Variants in FGF14 observed in about 807,000 individuals in gnomAD.
FGF14 encodes fibroblast growth factor homologous factor 4.
In FGF14, 5 loss-of-function variants were observed where a neutral mutation model predicts 25.5. The ratio of observed to expected loss-of-function variants is 0.20; its 90% CI spans 0.10 to 0.41. The LOEUF is 0.41. Ranked by LOEUF, FGF14 falls within the 10% of genes least tolerant of loss-of-function variation. FGF14 has a pLI of 1.00. For synonymous variants in FGF14, 138 were observed against 118.3 expected, an observed-to-expected ratio of 1.17 and a Z score of -1.08; for missense variants, 222 against 320.1, an observed-to-expected ratio of 0.69 and a Z score of 2.34.
intron 1 of FGF14, among the ~76,000 whole-genome samples, chr13:101,945,224 A>G (rs1393881536): frequency 6.6e-6 from 1 of 152,156 alleles, no homozygotes; most frequent in African/African-American, 2.4e-5. Context: ...AGGCTGAGGC[A>G]GGAGAATCAC....
chr13:102,155,694 A>T (rs2047300076), intron 1 of FGF14, among the ~76,000 whole-genome samples: 1 of 151,626 alleles, frequency 6.6e-6, no homozygotes, highest in South Asian at 2.1e-4. Flanking sequence ...GAGACAGAAA[A>T]ACCCTTCAAA....
intron 1 of FGF14, among the ~76,000 whole-genome samples, chr13:101,955,414 C>G (rs2036454585): frequency 6.6e-6 from 1 of 152,222 alleles, no homozygotes; most frequent in South Asian, 2.1e-4. Context: ...AAGCTGGTTT[C>G]TTGTGAAAGT....
At position 101,824,054 on chromosome 13, in the gene FGF14, T is replaced by C. The variant is rs185181505; in HGVS notation, c.408+44671A>G. 1.2e-3 allele frequency among the ~76,000 whole-genome samples: 184 copies of C among 152,194 alleles called. 2 individuals are homozygous for C. Among genetic ancestry groups the C allele is most frequent in the Non-Finnish European group, 2.1e-3 (143 of 67,986 alleles). On this transcript the variant is annotated intron_variant, in intron 3 of 4. Transcript: ENST00000376143. ...TCCTAATAGTATACCTTGTAGTGAGTTGCTAGTGAAGAATTCACTCAGATA... is the reference window on the plus strand; with the variant it reads ...TCCTAATAGTATACCTTGTAGTGAGCTGCTAGTGAAGAATTCACTCAGATA...
At chr13:102,149,781 T>C (rs538672964) in intron 1 of FGF14, among the ~76,000 whole-genome samples, 1 of 152,244 alleles carries the variant, frequency 6.6e-6, no homozygotes, top group South Asian at 2.1e-4. Flanking sequence ...CCGGAAGCCT[T>C]GTAAGGGGAG....
chr13:102,121,101 T>C (rs1424416028), intron 1 of FGF14, among the ~76,000 whole-genome samples: 1 of 152,192 alleles, frequency 6.6e-6, no homozygotes, highest in African/African-American at 2.4e-5. Context: ...TTCCAAATCG[T>C]TAGTCCCTAT....
At chr13:102,276,085 A>T (rs913214347) in intron 1 of FGF14, among the ~76,000 whole-genome samples, 6 of 151,914 alleles carry the variant, frequency 3.9e-5, no homozygotes, top group Non-Finnish European at 7.4e-5. Flanking sequence ...GTAATTCCCT[A>T]TGAAATGTTT....
chr13:102,287,306 G>A (rs1182450414), intron 1 of FGF14, among the ~76,000 whole-genome samples: 2 of 152,102 alleles, frequency 1.3e-5, no homozygotes, highest in Admixed American at 1.3e-4. Context: ...GTAATACTAA[G>A]ACAATGAAAT....
intron 3 of FGF14, among the ~76,000 whole-genome samples, chr13:101,833,626 CAGAT>C (rs898793007): frequency 4.1e-4 from 62 of 151,968 alleles, no homozygotes; most frequent in African/African-American, 1.4e-3. Context: ...TATATACAGA[CAGAT>C]AGGTGTGTGT....
intron 1 of FGF14, among the ~76,000 whole-genome samples, chr13:102,108,775 T>C (rs916516130): frequency 1.3e-5 from 2 of 152,196 alleles, no homozygotes; most frequent in African/African-American, 2.4e-5. Flanking sequence ...TGGTTTACCA[T>C]ATAACAAACA....
At chr13:102,150,300 T>C (rs2047027793) in intron 1 of FGF14, among the ~76,000 whole-genome samples, 2 of 151,996 alleles carry the variant, frequency 1.3e-5, no homozygotes, top group African/African-American at 4.8e-5. Flanking sequence ...TTTAGGTTTT[T>C]TTTTTTTCTT....
At chr13:102,255,248 G>A (rs2052379444) in intron 1 of FGF14, among the ~76,000 whole-genome samples, 1 of 152,130 alleles carries the variant, frequency 6.6e-6, no homozygotes, top group Admixed American at 6.5e-5. Flanking sequence ...AAAGGGAGAG[G>A]AAAGGCCAGA....
intron 1 of FGF14, among the ~76,000 whole-genome samples, chr13:102,391,216 G>A (rs923248519): frequency 6.6e-6 from 1 of 152,168 alleles, no homozygotes; most frequent in African/African-American, 2.4e-5. Context: ...CAAATACAGG[G>A]AGAAGGAGAC....
At chr13:101,783,207 C>G (rs1427867245) in intron 3 of FGF14, among the ~76,000 whole-genome samples, 1 of 152,020 alleles carries the variant, frequency 6.6e-6, no homozygotes, top group Non-Finnish European at 1.5e-5. Context: ...CGCGGTGGCT[C>G]AAGCCTGTAA....
chr13:102,218,932 T>G (rs967473716), intron 1 of FGF14, among the ~76,000 whole-genome samples: 4 of 152,168 alleles, frequency 2.6e-5, no homozygotes, highest in Admixed American at 2.0e-4. Flanking sequence ...TATTTTTAAT[T>G]TTAATTTTTA....
intron 3 of FGF14, among the ~76,000 whole-genome samples, chr13:101,790,392 C>T (rs768240986): frequency 2.2e-4 from 32 of 145,880 alleles, no homozygotes; most frequent in Non-Finnish European, 3.8e-4. Context: ...GATTTACTAG[C>T]TGGCTCTATT....
intron 3 of FGF14, among the ~76,000 whole-genome samples, chr13:101,746,989 G>A (rs1470012750): frequency 6.6e-6 from 1 of 151,896 alleles, no homozygotes. Flanking sequence ...TTCATTCTGG[G>A]TAGACTGTCT....
In FGF14 at chr13:102,161,562, CTGTGAAGAAAGAAAGAAGAAGAA is replaced by C; in HGVS notation, c.208+239886_208+239908del. On this transcript the variant is annotated intron_variant, in intron 1 of 4. Coordinates refer to the FGF14 transcript ENST00000376131. ...CAATATTCTCTATGCAACCAACTTTCTGTGAAGAAAGAAAGAAGAAGAAGAAGAAGAAGAAGAAGAAGAAGAAG... is the reference window on the plus strand; with the variant it reads ...CAATATTCTCTATGCAACCAACTTTCGAAGAAGAAGAAGAAGAAGAAGAAG... 4.6e-4 allele frequency among the ~76,000 whole-genome samples: 2 copies of C among 4,358 alleles called. 1 individual carries two copies. Among genetic ancestry groups the C allele is most frequent in the South Asian group, 0.031 (2 of 64 alleles). 2.9% of individuals were successfully genotyped at this position (4,358 alleles called of 152,430 possible). A position where few individuals can be genotyped will look rare whatever the true frequency, so the allele number is the denominator to read the frequency against.
At chr13:102,110,249 T>C (rs1203395096) in intron 1 of FGF14, among the ~76,000 whole-genome samples, 2 of 152,184 alleles carry the variant, frequency 1.3e-5, no homozygotes, top group South Asian at 2.1e-4. Flanking sequence ...GAAAGCAGTG[T>C]TTTTTTCCCC....
intron 1 of FGF14, among the ~76,000 whole-genome samples, chr13:102,155,539 A>C (rs1188100538): frequency 6.6e-6 from 1 of 152,056 alleles, no homozygotes; most frequent in Non-Finnish European, 1.5e-5. Context: ...TTATAGCACT[A>C]AATGCCCACA....
Sources: gnomAD v4.1 joint callset for allele counts (sites outside exome capture counted in the v4.1 genomes callset) on GRCh38, gnomAD v4.1.1 for gene constraint, MANE v1.5 for transcripts, NCBI Gene and HGNC (gene_info 2026-07-23, HGNC 2026-07-21) for gene names.